The following RSBN1 variants were observed in gnomAD, a reference collection of about 807,000 sequenced individuals.
The protein encoded by RSBN1 is lysine-specific demethylase 9.
In RSBN1, 23 loss-of-function variants were observed where a neutral mutation model predicts 74.8. The observed-to-expected ratio is 0.31, with a 90% CI of 0.22 to 0.44. RSBN1 has a LOEUF of 0.44. RSBN1 is among the 20% of genes least tolerant of loss of function. The pLI is 1.00. For missense variants in RSBN1, 808 were observed against 1,020.9 expected (o/e 0.79, Z 2.84); for synonymous variants, 407 against 379.6 (o/e 1.07, Z -0.84).
chr1:113,786,512 C>T (rs550456044), intron 2 of RSBN1, among the ~76,000 whole-genome samples: 12 of 152,032 alleles, frequency 7.9e-5, no homozygotes, highest in African/African-American at 1.9e-4. Flanking sequence ...TTTGAGAAGG[C>T]GATGTGATGA....
rs1322995994 is a variant in RSBN1, at chr1:113,762,663, T to G, written c.*3317A>C. 1 of 152,782 alleles carries G rather than the reference T, an allele frequency of 6.5e-6. No homozygotes were observed. The highest frequency in any genetic ancestry group is 6.5e-5 in the Admixed American group (1 of 15,284). 9.5% of individuals were successfully genotyped at this position (152,782 alleles called of 1,614,324 possible). The stretch of plus-strand genomic sequence containing the variant: ...TAATTTATTAATGATTAAGAATATA[T>G]TCACTAAGCGTTTTCATGGATTTGG... On this transcript the variant is annotated 3_prime_UTR_variant, in exon 7 of 7. Coordinates refer to ENST00000261441, the MANE Select transcript of RSBN1 (RefSeq NM_018364.5).
In RSBN1 at chr1:113,812,132, C is replaced by A. The variant is rs1203807842; in HGVS notation, c.281G>T (p.Gly94Val). The change falls in exon 1 of 7, where the codon GGG (glycine) becomes GTG (valine). Residue 94 changes from glycine (G) to valine (V), a missense_variant. Coordinates refer to ENST00000261441, the MANE Select transcript of RSBN1 (RefSeq NM_018364.5). ...CCGCCCCCGCTTCTCCTGAGACCCCCCACTGCTAGATCGGCGCTGCCGTTT... is the reference window on the plus strand; with the variant it reads ...CCGCCCCCGCTTCTCCTGAGACCCCACACTGCTAGATCGGCGCTGCCGTTT... ...GVKRQRRSSS[G>V]GSQEKRGRPS... The A allele has an allele frequency of 3.7e-6, 6 of 1,609,198 alleles. No individual in the cohort carries two copies. In the Admixed American group the frequency reaches 1.0e-4, roughly 27 times the overall value.
intron 4 of RSBN1, among the ~76,000 whole-genome samples, chr1:113,775,635 C>T (rs1660010870): frequency 6.6e-6 from 1 of 152,110 alleles, no homozygotes; most frequent in Non-Finnish European, 1.5e-5. Context: ...CTGCACCTGC[C>T]CTCTTTTTAC....
chr1:113,797,281 C>A, intron 2 of RSBN1, 82 bp downstream of exon 2: 1 of 1,059,192 alleles, frequency 9.4e-7, no homozygotes. Context: ...CAAAAATGTG[C>A]TGGTATGTGC....
chr1:113,811,958 G>A lies in RSBN1; in HGVS notation c.455C>T (p.Ala152Val). 6.3e-7 allele frequency: 1 copy of A among 1,585,460 alleles called. No individual in the cohort carries two copies. The change falls in exon 1 of 7, where the codon GCA becomes GTA. Residue 152 changes from alanine (A) to valine (V), a missense_variant. Physicochemically the swap from Ala to Val is moderately conservative, Grantham distance 64. Transcript: ENST00000261441. Reference protein sequence around the residue: ...LLPPPPPPSLAPAGPAVAAPL... With the variant: ...LLPPPPPPSLVPAGPAVAAPL... The stretch of plus-strand genomic sequence containing the variant: ...GGCAGCGACAGCGGGCCCGGCGGGT[G>A]CCAGCGAAGGTGGCGGCGGAGGCGG...
chr1:113,779,863 A>G (rs890165101), intron 2 of RSBN1, among the ~76,000 whole-genome samples: 1 of 150,656 alleles, frequency 6.6e-6, no homozygotes. Context: ...TCTACTAAAA[A>G]TACAAAAATT....
chr1:113,796,479 C>T (rs536178455), intron 2 of RSBN1, among the ~76,000 whole-genome samples: 3 of 151,862 alleles, frequency 2.0e-5, no homozygotes, highest in Non-Finnish European at 2.9e-5. Flanking sequence ...AGTCTTATTA[C>T]GGCAACAATC....
At chr1:113,773,014 T>C (rs538619652) in intron 4 of RSBN1, among the ~76,000 whole-genome samples, 1 of 151,338 alleles carries the variant, frequency 6.6e-6, no homozygotes, top group East Asian at 1.9e-4. Flanking sequence ...ATAGATCATA[T>C]AAACAAAAAC....
chr1:113,802,817 G>A (rs1660612180), intron 1 of RSBN1, among the ~76,000 whole-genome samples: 2 of 151,834 alleles, frequency 1.3e-5, no homozygotes, highest in African/African-American at 4.8e-5. Flanking sequence ...TGGAATACTT[G>A]TTACAACTGA....
chr1:113,811,950 C>G lies in RSBN1; in HGVS notation c.463G>C (p.Gly155Arg), dbSNP rs757528570. The G allele has an allele frequency of 6.3e-7, 1 of 1,590,078 alleles. No homozygotes were observed. Among genetic ancestry groups the G allele is most frequent in the Admixed American group, 1.8e-5 (1 of 56,342 alleles). The change falls in exon 1 of 7, where the codon GGG (glycine) becomes CGG (arginine). Residue 155 changes from glycine to arginine, a missense_variant. Gly to Arg is a moderately radical substitution (Grantham distance 125). Transcript: ENST00000261441. The stretch of plus-strand genomic sequence containing the variant: ...GGGAGAGGGGCAGCGACAGCGGGCC[C>G]GGCGGGTGCCAGCGAAGGTGGCGGC... ...PPPPPSLAPA[G>R]PAVAAPLPAP...
Position 113,774,441 on chromosome 1 carries a change from G to A in RSBN1, c.1658+2769C>T, listed in dbSNP as rs556953850. 2.6e-3 allele frequency among the ~76,000 whole-genome samples: 401 copies of A among 152,062 alleles called. 1 individual carries two copies. Among genetic ancestry groups the A allele is most frequent in the Non-Finnish European group, 4.6e-3 (315 of 67,964 alleles). On this transcript the variant is annotated intron_variant, in intron 4 of 6. Coordinates refer to ENST00000261441, the MANE Select transcript of RSBN1 (RefSeq NM_018364.5). The stretch of plus-strand genomic sequence containing the variant: ...TGTAATCCCAGCACTTTGGGAGGCC[G>A]AGGCGGGTGGATCACGAGGTCAGGA...
At chr1:113,803,367 A>G (rs1252630165) in intron 1 of RSBN1, among the ~76,000 whole-genome samples, 1 of 152,232 alleles carries the variant, frequency 6.6e-6, no homozygotes, top group Non-Finnish European at 1.5e-5. Flanking sequence ...AATATCAAAG[A>G]GTATGACTGC....
At chr1:113,804,404 G>A (rs1487497745) in intron 1 of RSBN1, among the ~76,000 whole-genome samples, 1 of 152,146 alleles carries the variant, frequency 6.6e-6, no homozygotes, top group African/African-American at 2.4e-5. Context: ...TTTATATTAG[G>A]TCACAAAGCT....
intron 1 of RSBN1, among the ~76,000 whole-genome samples, chr1:113,804,280 GAGGA>G (rs1050559669): frequency 6.6e-6 from 1 of 152,152 alleles, no homozygotes; most frequent in African/African-American, 2.4e-5. Context: ...ATCTCTGAAA[GAGGA>G]AAGAAAACGT....
intron 2 of RSBN1, among the ~76,000 whole-genome samples, chr1:113,778,713 A>C (rs1322152149): frequency 1.3e-5 from 2 of 152,150 alleles, no homozygotes; most frequent in Admixed American, 1.3e-4. Flanking sequence ...AATCGTATCC[A>C]TCTTTCAAAG....
intron 1 of RSBN1, among the ~76,000 whole-genome samples, chr1:113,809,348 G>A (rs965295459): frequency 3.9e-5 from 6 of 152,176 alleles, no homozygotes; most frequent in African/African-American, 1.4e-4. Flanking sequence ...AAAGCAATTT[G>A]TTCAGGCTCA....
chr1:113,811,692 C>G lies in RSBN1; in HGVS notation c.703+18G>C. 6.4e-7 allele frequency: 1 copy of G among 1,557,356 alleles called. No homozygotes were observed. Among genetic ancestry groups the G allele is most frequent in the Non-Finnish European group, 8.7e-7 (1 of 1,148,402 alleles). On this transcript the variant is annotated intron_variant, in intron 1 of 6. Coordinates refer to ENST00000261441, the MANE Select transcript of RSBN1 (RefSeq NM_018364.5). ...AGAGAGACCTAGAACCCAAGCCGGG[C>G]AGTTTGCCTGCTCTCACCTCTCTTG...
Position 113,812,260 on chromosome 1 carries a change from C to T in RSBN1, c.153G>A (p.Ala51=), listed in dbSNP as rs1267870444. ...FKCVFVGEMA[A]QVGAVRVVRA... ...GTACTACGCGCACCGCTCCGACCTG[C>T]GCAGCCATTTCACCCACAAACACAC... The change falls in exon 1 of 7, where the codon GCG becomes GCA. Residue 51 remains alanine, a synonymous_variant. Transcript: ENST00000261441. 2 of 1,605,910 alleles carry T rather than the reference C, an allele frequency of 1.2e-6. No homozygotes were observed. The highest frequency in any genetic ancestry group is 8.5e-7 in the Non-Finnish European group (1 of 1,179,862).
chr1:113,789,625 A>G (rs1468605728), intron 2 of RSBN1, among the ~76,000 whole-genome samples: 2 of 152,124 alleles, frequency 1.3e-5, no homozygotes, highest in Non-Finnish European at 2.9e-5. Context: ...AGTCCTGGGG[A>G]CTGAGCCCTC....
Sources: gnomAD v4.1 joint callset for allele counts (sites outside exome capture counted in the v4.1 genomes callset) on GRCh38, gnomAD v4.1.1 for gene constraint, MANE v1.5 for transcripts, NCBI Gene and HGNC (gene_info 2026-07-23, HGNC 2026-07-21) for gene names.